Variants in YTHDC2 observed in about 807,000 individuals in gnomAD.
YTHDC2 encodes the protein 3'-5' RNA helicase YTHDC2.
In YTHDC2, 45 loss-of-function variants were observed where a neutral mutation model predicts 174.9. The observed-to-expected ratio is 0.26, with a 90% CI of 0.20 to 0.33. YTHDC2 has a LOEUF of 0.33. YTHDC2 is among the 10% of genes least tolerant of loss of function. YTHDC2 has a pLI of 1.00. For synonymous variants in YTHDC2, 657 were observed against 574.5 expected (o/e 1.14, Z -2.05); for missense variants, 1,650 against 1,723.7 (o/e 0.96, Z 0.76).
chr5:113,526,261 G>A (rs900587915), intron 3 of YTHDC2, among the ~76,000 whole-genome samples: 1 of 151,800 alleles, frequency 6.6e-6, no homozygotes, highest in East Asian at 1.9e-4. Context: ...TATCAAGATT[G>A]TTTTATTTTT....
Position 113,567,664 on chromosome 5 carries a change from C to G in YTHDC2, c.3059C>G (p.Ala1020Gly). The G allele has an allele frequency of 3.1e-6, 5 of 1,595,898 alleles. No individual in the cohort carries two copies. Among genetic ancestry groups the G allele is most frequent in the Non-Finnish European group, 4.3e-6 (5 of 1,173,836 alleles). Residue 1020 changes from alanine (A) to glycine (G), a missense_variant, in exon 23 of 30, where the codon GCC (alanine) becomes GGC (glycine). Coordinates refer to ENST00000161863, the MANE Select transcript of YTHDC2 (RefSeq NM_022828.5). ...TTATTTTCTTAATAGATTCCTCCAG[C>G]CAATGGTCAAGCTGCAGCAATTAAG... Reference protein sequence around the residue: ...SQPQYKKIPPANGQAAAIKAL... With the variant: ...SQPQYKKIPPGNGQAAAIKAL...
At position 113,591,067 on chromosome 5, in the gene YTHDC2, A is replaced by T. The variant is rs377506646; in HGVS notation, c.3852A>T (p.Pro1284=). 2 of 1,613,792 alleles carry T rather than the reference A, an allele frequency of 1.2e-6. No homozygotes were observed. The highest frequency in any genetic ancestry group is 1.7e-6 in the Non-Finnish European group (2 of 1,179,896). ...GCTCAAAATCTCCTTCGCCAAGACC[A>T]AACATGCCTGTTCGATACTTCATAA... ...GKGSKSPSPR[P]NMPVRYFIMK... Residue 1284 remains proline (P), a synonymous_variant, in exon 27 of 30, where the codon CCA becomes CCT. Coordinates refer to ENST00000161863, the MANE Select transcript of YTHDC2 (RefSeq NM_022828.5).
chr5:113,523,524 A>G (rs1250977771), intron 2 of YTHDC2, among the ~76,000 whole-genome samples: 1 of 152,126 alleles, frequency 6.6e-6, no homozygotes, highest in East Asian at 1.9e-4. Flanking sequence ...ACATTTATGG[A>G]ATTCAATAAT....
chr5:113,541,051 G>C lies in YTHDC2; in HGVS notation c.1294G>C (p.Val432Leu). Residue 432 changes from valine (V) to leucine (L), a missense_variant, in exon 9 of 30, where the codon GTT becomes CTT. Around this residue, in one of 5 missense-constraint regions of YTHDC2, gnomAD observed 411 missense variants for 380.6 expected, o/e 1.08. Coordinates refer to ENST00000161863, the MANE Select transcript of YTHDC2 (RefSeq NM_022828.5). Reference sequence around the variant, plus strand: ...GCCTGAATCTCAGAGGCAGAGAACTGTTCTAAATGTGACTGATGAGTATGA... The same window carrying C: ...GCCTGAATCTCAGAGGCAGAGAACTCTTCTAAATGTGACTGATGAGTATGA... ...FKPESQRQRT[V>L]LNVTDEYDLL... The C allele has an allele frequency of 1.2e-6, 2 of 1,614,172 alleles. No individual in the cohort carries two copies. Among genetic ancestry groups the C allele is most frequent in the Middle Eastern group, 1.6e-4 (1 of 6,062 alleles).
intron 12 of YTHDC2, 54 bp downstream of exon 12, chr5:113,549,074 C>CA: frequency 6.9e-7 from 1 of 1,457,730 alleles, no homozygotes; most frequent in Non-Finnish European, 9.5e-7. Flanking sequence ...AAAAGAGCTT[C>CA]ACCATATAAA....
chr5:113,567,553 A>G (rs1306729913), intron 22 of YTHDC2, 101 bp from the exon 23 acceptor site: 16 of 1,059,572 alleles, frequency 1.5e-5, no homozygotes, highest in Non-Finnish European at 2.0e-5. Flanking sequence ...GTACTAATAT[A>G]CATCATCTAT....
At position 113,567,755 on chromosome 5, in the gene YTHDC2, ATGT is replaced by A; in HGVS notation, c.3155_3157del (p.Cys1052del). On this transcript the variant is annotated inframe_deletion, in exon 23 of 30. Transcript: ENST00000161863. Reference sequence around the variant, plus strand: ...GAGCCCATAGAATAGCTAATATTAGATGTTGTTCAGCAGTGACGCCTGTCACTA... The same window carrying A: ...GAGCCCATAGAATAGCTAATATTAGATGTTCAGCAGTGACGCCTGTCACTA... 6.2e-7 allele frequency: 1 copy of A among 1,611,332 alleles called. No individual in the cohort carries two copies. The highest frequency in any genetic ancestry group is 8.5e-7 in the Non-Finnish European group (1 of 1,178,774).
intron 12 of YTHDC2, among the ~76,000 whole-genome samples, chr5:113,550,898 T>A (rs1776211562): frequency 6.6e-6 from 1 of 152,048 alleles, no homozygotes; most frequent in Non-Finnish European, 1.5e-5. Context: ...AGCTTTCAGA[T>A]TAGATATTTA....
At chr5:113,521,800 CA>C (rs1580475478) in intron 2 of YTHDC2, among the ~76,000 whole-genome samples, 1 of 110,810 alleles carries the variant, frequency 9.0e-6, no homozygotes, top group East Asian at 2.4e-4. Flanking sequence ...GCCTTGAAAG[CA>C]AAAAGCAAGA....
chr5:113,537,362 T>TC (rs1491175970), intron 7 of YTHDC2, among the ~76,000 whole-genome samples: 1 of 23,848 alleles, frequency 4.2e-5, no homozygotes, highest in Admixed American at 4.7e-4. Flanking sequence ...GCTCTCTCTC[T>TC]TTTTTTTTTT....
intron 1 of YTHDC2, among the ~76,000 whole-genome samples, chr5:113,514,648 TGAG>T (rs910407812): frequency 4.0e-4 from 61 of 152,304 alleles, no homozygotes; most frequent in African/African-American, 1.5e-3. Flanking sequence ...TGCAGTCTGT[TGAG>T]GGCTCATTCG....
chr5:113,570,360 C>A (rs915732218), intron 23 of YTHDC2, among the ~76,000 whole-genome samples: 4 of 152,092 alleles, frequency 2.6e-5, no homozygotes, highest in African/African-American at 7.2e-5. Context: ...CCTTGGCCTC[C>A]CAAAGTGCTG....
chr5:113,513,813 C>T lies in YTHDC2; in HGVS notation c.-83C>T, dbSNP rs1773181850. 5 of 1,435,150 alleles carry T rather than the reference C, an allele frequency of 3.5e-6. No individual in the cohort carries two copies. In the Admixed American group the frequency reaches 8.3e-5, roughly 24 times the overall value. The allele number at this position is 1,435,150 out of a possible 1,614,324, so 88.9% of individuals were successfully genotyped here. On this transcript the variant is annotated 5_prime_UTR_variant, in exon 1 of 30. Transcript: ENST00000161863. ...GTCTCCGGAGCTTCCCGGTAGTGGCCCCGGATTCCCACGGTCTTTGTCATT... is the reference window on the plus strand; with the variant it reads ...GTCTCCGGAGCTTCCCGGTAGTGGCTCCGGATTCCCACGGTCTTTGTCATT...
intron 26 of YTHDC2, among the ~76,000 whole-genome samples, chr5:113,589,463 A>G (rs1035151211): frequency 1.4e-5 from 2 of 146,466 alleles, no homozygotes; most frequent in African/African-American, 5.1e-5. Context: ...GGCGTGGTTT[A>G]TGTCTGTAAT....
intron 7 of YTHDC2, among the ~76,000 whole-genome samples, chr5:113,538,334 G>A (rs142981336): frequency 6.6e-6 from 1 of 152,166 alleles, no homozygotes; most frequent in Admixed American, 6.5e-5. Context: ...GCACTTTACT[G>A]AGCTTAAATC....
chr5:113,554,468 A>C (rs1007495071), intron 16 of YTHDC2, among the ~76,000 whole-genome samples: 1 of 152,052 alleles, frequency 6.6e-6, no homozygotes, highest in Non-Finnish European at 1.5e-5. Flanking sequence ...CACCTATAGC[A>C]GGTGTTCAAA....
chr5:113,591,285 A>C, intron 27 of YTHDC2, 41 bp downstream of exon 27: 1 of 1,598,224 alleles, frequency 6.3e-7, no homozygotes, highest in African/African-American at 1.3e-5. Context: ...TGTTCTGGCT[A>C]TAGGTTAAAT....
chr5:113,522,138 T>TG (rs1773911953), intron 2 of YTHDC2, among the ~76,000 whole-genome samples: 1 of 70,584 alleles, frequency 1.4e-5, no homozygotes, highest in Non-Finnish European at 3.4e-5. Context: ...TTTTTTGTTT[T>TG]TTGTTTTTTT....
At position 113,581,534 on chromosome 5, in the gene YTHDC2, G is replaced by A; in HGVS notation, c.3472G>A (p.Ala1158Thr). ...VDEATIRAII[A>T]VLSTEEQSAG... ...TGAAGCTACCATAAGAGCAATTATA[G>A]CTGTTTTAAGCACTGAAGAACAGTC... is the stretch of plus-strand genomic sequence containing the variant. The change falls in exon 25 of 30, where the codon GCT (alanine) becomes ACT (threonine). Residue 1158 changes from alanine (A) to threonine (T), a missense_variant. Coordinates refer to ENST00000161863, the MANE Select transcript of YTHDC2 (RefSeq NM_022828.5). 1.2e-6 allele frequency: 2 copies of A among 1,613,992 alleles called. No homozygotes were observed. The highest frequency in any genetic ancestry group is 2.7e-5 in the African/African-American group (2 of 75,048).
Sources: gnomAD v4.1 joint callset for allele counts (sites outside exome capture counted in the v4.1 genomes callset) on GRCh38, gnomAD v4.1.1 for gene constraint, gnomAD v4.1.1 regional missense constraint, MANE v1.5 for transcripts, NCBI Gene and HGNC (gene_info 2026-07-23, HGNC 2026-07-21) for gene names.